SUPT3H: variants seen among roughly 807,000 people sequenced by gnomAD.
The protein encoded by SUPT3H is SPT3 homolog, SAGA and STAGA complex component.
SUPT3H carries 44 observed loss-of-function variants against 44.3 expected under a neutral mutation model. The observed-to-expected ratio is 0.99, with a 90% CI of 0.78 to 1.28. The LOEUF (loss-of-function observed/expected upper bound fraction) is 1.28, where lower values mean the gene tolerates loss of function less well. Ranked by LOEUF, SUPT3H falls within the 50% of genes most tolerant of loss-of-function variation. The pLI, the probability that SUPT3H is intolerant of heterozygous loss-of-function variation, is 0.00. For synonymous variants in SUPT3H, 124 were observed against 125.6 expected (o/e 0.99, Z 0.09); for missense variants, 380 against 387.1 (o/e 0.98, Z 0.15).
chr6:45,171,892 A>AT (rs1554271527), intron 2 of SUPT3H, among the ~76,000 whole-genome samples: 1 of 150,550 alleles, frequency 6.6e-6, no homozygotes, highest in African/African-American at 2.4e-5. Context: ...TAATTTTTGT[A>AT]TTTTAAGTAC....
intron 2 of SUPT3H, among the ~76,000 whole-genome samples, chr6:45,116,086 A>G (rs1800799311): frequency 6.6e-6 from 1 of 152,190 alleles, no homozygotes; most frequent in African/African-American, 2.4e-5. Context: ...ACCGGCATGT[A>G]TCTCTCCTTT....
chr6:45,352,731 G>A (rs947928417), intron 2 of SUPT3H, among the ~76,000 whole-genome samples: 1 of 151,308 alleles, frequency 6.6e-6, no homozygotes, highest in Non-Finnish European at 1.5e-5. Flanking sequence ...CTTTAAAATA[G>A]AACCATTTGA....
chr6:44,815,320 G>C (rs1239774201), intron 11 of SUPT3H, among the ~76,000 whole-genome samples: 1 of 152,170 alleles, frequency 6.6e-6, no homozygotes. Flanking sequence ...AAGGAGTTAT[G>C]ATGAGGATAA....
intron 6 of SUPT3H, among the ~76,000 whole-genome samples, chr6:45,002,968 CA>C (rs1253370238): frequency 2.0e-5 from 3 of 151,990 alleles, no homozygotes; most frequent in Non-Finnish European, 4.4e-5. Flanking sequence ...ATGATAATAG[CA>C]ATATGAACTG....
chr6:45,205,752 G>A (rs768067142), intron 2 of SUPT3H, among the ~76,000 whole-genome samples: 3 of 151,968 alleles, frequency 2.0e-5, no homozygotes, highest in East Asian at 3.9e-4. Context: ...AGCCAAGATT[G>A]CGCCACTCTA....
At chr6:45,168,044 C>T (rs1016723945) in intron 2 of SUPT3H, among the ~76,000 whole-genome samples, 6 of 152,126 alleles carry the variant, frequency 3.9e-5, no homozygotes, top group Admixed American at 2.0e-4. Context: ...CTTCCGACCT[C>T]AGGTGATCCA....
intron 2 of SUPT3H, among the ~76,000 whole-genome samples, chr6:45,133,376 G>T (rs1803781533): frequency 6.6e-6 from 1 of 152,122 alleles, no homozygotes; most frequent in African/African-American, 2.4e-5. Flanking sequence ...ATTCTGATGT[G>T]GGAGAGAATA....
intron 2 of SUPT3H, among the ~76,000 whole-genome samples, chr6:45,303,660 G>A (rs1390835633): frequency 1.6e-5 from 2 of 126,884 alleles, no homozygotes; most frequent in Admixed American, 8.8e-5. Context: ...GATGTTGCCT[G>A]ATTCTAGAAG....
chr6:45,158,298 A>ATATATATATATATATATATATATAT, intron 2 of SUPT3H, among the ~76,000 whole-genome samples: 1 of 99,690 alleles, frequency 1.0e-5, no homozygotes, highest in Non-Finnish European at 1.7e-5. Context: ...ATATATATAT[A>ATATATATATATATATATATATATAT]TTTTTTTTTT....
intron 1 of SUPT3H, chr6:45,371,917 T>C: frequency 1.2e-6 from 1 of 857,660 alleles, no homozygotes; most frequent in South Asian, 5.3e-5. Context: ...GAGGGGTTTC[T>C]TGAACTGCCC....
At chr6:45,370,872 T>A (rs898195624) in intron 1 of SUPT3H, among the ~76,000 whole-genome samples, 1 of 152,140 alleles carries the variant, frequency 6.6e-6, no homozygotes. Context: ...AAGTTTCTAT[T>A]CCATATGCTT....
At chr6:45,374,415 A>G (rs576456268) in intron 1 of SUPT3H, among the ~76,000 whole-genome samples, 3 of 152,348 alleles carry the variant, frequency 2.0e-5, no homozygotes, top group African/African-American at 4.8e-5. Context: ...ATAAATGAGG[A>G]ACCCAGTATT....
chr6:44,877,808 C>G lies in SUPT3H; in HGVS notation c.913-47951G>C, dbSNP rs112912924. Among the ~76,000 whole-genome samples the G allele has an allele frequency of 2.0e-3, 312 of 152,246 alleles. 1 individual carries two copies. Among genetic ancestry groups the G allele is most frequent in the Non-Finnish European group, 4.0e-3 (274 of 68,032 alleles). On this transcript the variant is annotated intron_variant, in intron 10 of 10. Coordinates refer to ENST00000371459, the MANE Select transcript of SUPT3H (RefSeq NM_003599.4). ...CATAGAATTCCATTATCAGTGAAGT[C>G]TGCCATTCATATTTTTAGATGAATT...
chr6:45,178,296 C>A (rs998847933), intron 2 of SUPT3H, among the ~76,000 whole-genome samples: 41 of 152,114 alleles, frequency 2.7e-4, no homozygotes, highest in African/African-American at 9.6e-4. Context: ...AGACTTTAAA[C>A]CAACAAAGAT....
At chr6:44,929,419 A>G (rs1770177875) in intron 10 of SUPT3H, among the ~76,000 whole-genome samples, 1 of 152,192 alleles carries the variant, frequency 6.6e-6, no homozygotes, top group African/African-American at 2.4e-5. Context: ...ATTAGATGTT[A>G]CATTTAAATA....
intron 5 of SUPT3H, among the ~76,000 whole-genome samples, chr6:45,007,920 T>C (rs933158256): frequency 6.6e-6 from 1 of 152,184 alleles, no homozygotes; most frequent in African/African-American, 2.4e-5. Flanking sequence ...ACATTTCATA[T>C]AAATAGAATA....
At chr6:45,299,312 G>A (rs1781777360) in intron 2 of SUPT3H, among the ~76,000 whole-genome samples, 1 of 145,840 alleles carries the variant, frequency 6.9e-6, no homozygotes, top group African/African-American at 2.6e-5. Flanking sequence ...CTCCAGCTTG[G>A]GCAACACAGC....
chr6:44,934,610 G>A (rs578227564), intron 9 of SUPT3H, among the ~76,000 whole-genome samples: 3 of 152,310 alleles, frequency 2.0e-5, no homozygotes, highest in South Asian at 2.1e-4. Context: ...ATTTATCCAC[G>A]AGGGTGGAGC....
At chr6:45,319,845 G>T (rs1336786486) in intron 2 of SUPT3H, among the ~76,000 whole-genome samples, 1 of 152,134 alleles carries the variant, frequency 6.6e-6, no homozygotes, top group East Asian at 1.9e-4. Flanking sequence ...AATATTTCAT[G>T]CTTAGGCATT....
Sources: allele counts gnomAD v4.1 joint callset (sites outside exome capture counted in the v4.1 genomes callset), GRCh38; gene constraint gnomAD v4.1.1; transcripts MANE v1.5; gene names NCBI Gene and HGNC (gene_info 2026-07-23, HGNC 2026-07-21).